Variants in CCP110 observed in about 807,000 individuals in gnomAD.
The protein encoded by CCP110 is centriolar coiled-coil protein of 110 kDa.
Under a neutral mutation model 105.5 loss-of-function variants are expected in CCP110, and 43 were observed. The ratio of observed to expected loss-of-function variants is 0.41; its 90% CI spans 0.32 to 0.53. CCP110 has a LOEUF of 0.53. CCP110 is among the 20% of genes least tolerant of loss of function. CCP110 has a pLI of 0.32. For missense variants in CCP110, 1,016 were observed against 1,189.1 expected (o/e 0.85, Z 2.14); for synonymous variants, 353 against 392.1 (o/e 0.90, Z 1.18).
chr16:19,527,071 A>C (rs1597247366), intron 1 of CCP110: 1 of 152,228 alleles, frequency 6.6e-6, no homozygotes, highest in African/African-American at 2.4e-5. Context: ...TTGTATTTTC[A>C]TAATCACAAT....
At chr16:19,534,872 CT>C (rs35522152) in intron 3 of CCP110, among the ~76,000 whole-genome samples, 20,897 of 100,536 alleles carry the variant, frequency 0.21, 1,440 homozygotes, top group African/African-American at 0.25. Flanking sequence ...AATATTCAGA[CT>C]TTTTTTTTTT....
At chr16:19,536,931 T>C in exon 4 of CCP110, 3 of 1,614,208 alleles carry the variant, frequency 1.9e-6, no homozygotes, top group Non-Finnish European at 2.5e-6. Context: ...AACACAAATG[T>C]GCCCGAAATT....
intron 1 of CCP110, chr16:19,526,731 T>G (rs1969686936): frequency 6.6e-6 from 1 of 152,134 alleles, no homozygotes; most frequent in Non-Finnish European, 1.5e-5. Context: ...GATACTTTGG[T>G]GTACTGAATT....
At chr16:19,542,204 A>G in intron 6 of CCP110, 140 bp downstream of exon 6, 2 of 587,224 alleles carry the variant, frequency 3.4e-6, no homozygotes, top group Non-Finnish European at 5.8e-6. Flanking sequence ...GTAACCAGTG[A>G]AAAATGACAT....
chr16:19,540,830 G>C, intron 5 of CCP110, 43 bp downstream of exon 5: 1 of 1,589,586 alleles, frequency 6.3e-7, no homozygotes, highest in Non-Finnish European at 8.6e-7. Context: ...GTGAAATTTA[G>C]CCAAGGATAC....
At chr16:19,544,240 A>G (rs931178040) in intron 8 of CCP110, among the ~76,000 whole-genome samples, 1 of 152,352 alleles carries the variant, frequency 6.6e-6, no homozygotes, top group South Asian at 2.1e-4. Flanking sequence ...GGTCCCCCCA[A>G]TAATCGTTAA....
At chr16:19,539,890 C>T (rs1357598633) in intron 4 of CCP110, among the ~76,000 whole-genome samples, 1 of 151,792 alleles carries the variant, frequency 6.6e-6, no homozygotes, top group African/African-American at 2.4e-5. Flanking sequence ...ACCTCCGCCT[C>T]CCAGGTTCAA....
chr16:19,535,470 A>C (rs372453518), intron 3 of CCP110, among the ~76,000 whole-genome samples: 3 of 152,124 alleles, frequency 2.0e-5, no homozygotes, highest in African/African-American at 7.2e-5. Flanking sequence ...TCTTTGTTAG[A>C]GAGGGAATCG....
At chr16:19,542,546 CA>C in intron 6 of CCP110, 74 bp from the exon 7 acceptor site, 1 of 1,130,206 alleles carries the variant, frequency 8.8e-7, no homozygotes, top group East Asian at 2.4e-5. Context: ...ATGAGTGTCA[CA>C]AGTGTTTATT....
chr16:19,538,717 A>G (rs1970170539), intron 4 of CCP110, among the ~76,000 whole-genome samples: 2 of 152,074 alleles, frequency 1.3e-5, no homozygotes, highest in South Asian at 4.1e-4. Flanking sequence ...TTGCTTTTTC[A>G]TTTGTAGTAT....
At chr16:19,537,464 A>T (rs1172368915) in exon 4 of CCP110, 3 of 1,612,858 alleles carry the variant, frequency 1.9e-6, no homozygotes, top group Non-Finnish European at 2.5e-6. Flanking sequence ...GCAAAAAGAA[A>T]ACTGCCCTTA....
At chr16:19,527,825 T>G in intron 1 of CCP110, 42 bp from the exon 2 acceptor site, 5 of 1,530,162 alleles carry the variant, frequency 3.3e-6, no homozygotes, top group Non-Finnish European at 3.6e-6. Flanking sequence ...TTAAGATCTG[T>G]TTTTCCCAGT....
chr16:19,541,131 A>T (rs1970261472), intron 5 of CCP110, among the ~76,000 whole-genome samples: 2 of 152,106 alleles, frequency 1.3e-5, no homozygotes, highest in Non-Finnish European at 2.9e-5. Context: ...ATGAGCCTGT[A>T]GTCCCAGCTA....
intron 12 of CCP110, 88 bp from the exon 13 acceptor site, chr16:19,547,867 A>C: frequency 1.1e-6 from 1 of 907,234 alleles, no homozygotes; most frequent in Admixed American, 1.7e-5. Flanking sequence ...CCTTTACCTT[A>C]CAGTCATCAT....
intron 2 of CCP110, 62 bp from the exon 3 acceptor site, chr16:19,532,354 A>G: frequency 2.1e-6 from 3 of 1,422,362 alleles, no homozygotes; most frequent in Non-Finnish European, 2.8e-6. Context: ...CTGATTCACA[A>G]CTTCCCGATT....
exon 4 of CCP110, chr16:19,536,935 C>T (rs149969421): frequency 6.3e-5 from 102 of 1,613,998 alleles, no homozygotes; most frequent in Non-Finnish European, 8.3e-5. Flanking sequence ...CAAATGTGCC[C>T]GAAATTATGC....
At chr16:19,543,664 T>G (rs140739812) in intron 8 of CCP110, among the ~76,000 whole-genome samples, 5 of 152,146 alleles carry the variant, frequency 3.3e-5, no homozygotes, top group African/African-American at 9.7e-5. Flanking sequence ...TAGCAAGGAA[T>G]ATTAATAATT....
intron 5 of CCP110, among the ~76,000 whole-genome samples, chr16:19,541,385 C>G (rs1327169880): frequency 6.6e-6 from 1 of 152,118 alleles, no homozygotes; most frequent in Non-Finnish European, 1.5e-5. Context: ...GTAATCCCAG[C>G]ACTTTGGGAG....
chr16:19,547,685 T>A, intron 12 of CCP110: 1 of 294,680 alleles, frequency 3.4e-6, no homozygotes, highest in Non-Finnish European at 6.2e-6. Flanking sequence ...AGCATATGTA[T>A]AAGAAAATTA....
Sources: gnomAD v4.1 joint callset for allele counts (sites outside exome capture counted in the v4.1 genomes callset) on GRCh38, gnomAD v4.1.1 for gene constraint, MANE v1.5 for transcripts, NCBI Gene and HGNC (gene_info 2026-07-23, HGNC 2026-07-21) for gene names.